CC2D2B: variants seen among roughly 807,000 people sequenced by gnomAD.
CC2D2B encodes coiled-coil and C2 domain containing 2B, also known as protein CC2D2B.
In CC2D2B, 128 loss-of-function variants were observed where a neutral mutation model predicts 161.2. The ratio of observed to expected loss-of-function variants is 0.79; its 90% CI spans 0.69 to 0.92. The LOEUF is 0.92. Ranked by LOEUF, CC2D2B falls within the 40% of genes least tolerant of loss-of-function variation. The pLI is 0.00. For missense variants in CC2D2B, 1,173 were observed against 1,375.1 expected (o/e 0.85, Z 2.32); for synonymous variants, 391 against 449.8 (o/e 0.87, Z 1.65).
At chr10:95,976,295 T>C (rs1007537565) in intron 17 of CC2D2B, among the ~76,000 whole-genome samples, 7 of 152,192 alleles carry the variant, frequency 4.6e-5, no homozygotes, top group African/African-American at 1.7e-4. Context: ...TACCCACTTG[T>C]CACTGAAGGT....
At chr10:95,930,734 GC>G (rs1339455467) in intron 6 of CC2D2B, among the ~76,000 whole-genome samples, 1 of 152,178 alleles carries the variant, frequency 6.6e-6, no homozygotes, top group East Asian at 1.9e-4. Flanking sequence ...CCAGGATGAA[GC>G]CCACTGATCG....
Position 96,031,871 on chromosome 10 carries a change from G to A in CC2D2B, c.4177G>A (p.Asp1393Asn). ...MPYIDVQSII[D>N]AVYQTGIHSA... Reference sequence around the variant, plus strand: ...ATACATTGATGTACAGTCAATTATTGATGCTGTTTATCAAACTGGAATTCA... The same window carrying A: ...ATACATTGATGTACAGTCAATTATTAATGCTGTTTATCAAACTGGAATTCA... Residue 1393 changes from aspartate (D) to asparagine (N), a missense_variant, in exon 35 of 35, where the codon GAT becomes AAT. Physicochemically the swap from Asp to Asn is conservative, Grantham distance 23. This residue lies in a region of CC2D2B where 598 missense variants were observed against 693.2 expected (regional missense o/e 0.86). Transcript: ENST00000646931. 6.2e-7 allele frequency: 1 copy of A among 1,613,756 alleles called. No individual in the cohort carries two copies. The highest frequency in any genetic ancestry group is 1.1e-5 in the South Asian group (1 of 91,064).
chr10:96,024,836 T>C lies in CC2D2B; in HGVS notation c.3889-17T>C. ...ATGGTCTCTAGAATCTATTCTAACTTTGGTTGTCTATTTCAGCCTGAAGAA... is the reference window on the plus strand; with the variant it reads ...ATGGTCTCTAGAATCTATTCTAACTCTGGTTGTCTATTTCAGCCTGAAGAA... On this transcript the variant is annotated splice_polypyrimidine_tract_variant and intron_variant, in intron 32 of 34. Coordinates refer to ENST00000646931, the MANE Select transcript of CC2D2B (RefSeq NM_001349008.3). 1.4e-6 allele frequency: 2 copies of C among 1,414,788 alleles called. No individual in the cohort carries two copies. The highest frequency in any genetic ancestry group is 1.9e-6 in the Non-Finnish European group (2 of 1,025,880). 87.6% of individuals were successfully genotyped at this position (1,414,788 alleles called of 1,614,324 possible).
intron 3 of CC2D2B, among the ~76,000 whole-genome samples, chr10:95,923,166 G>T (rs1417266024): frequency 6.6e-6 from 1 of 152,130 alleles, no homozygotes; most frequent in Non-Finnish European, 1.5e-5. Context: ...TGGTCAGGCT[G>T]GTCTCGAACT....
At chr10:95,927,539 C>T (rs2098541491) in intron 6 of CC2D2B, among the ~76,000 whole-genome samples, 1 of 152,030 alleles carries the variant, frequency 6.6e-6, no homozygotes, top group South Asian at 2.1e-4. Context: ...AAGTTTTTAA[C>T]ACGAATTGTA....
chr10:95,974,221 A>T, intron 17 of CC2D2B, 65 bp downstream of exon 17: 1 of 918,194 alleles, frequency 1.1e-6, no homozygotes, highest in Non-Finnish European at 1.4e-6. Context: ...AAAACATATT[A>T]TGTGTAAAAG....
intron 10 of CC2D2B, among the ~76,000 whole-genome samples, chr10:95,954,580 G>A (rs1469664702): frequency 1.3e-5 from 2 of 152,008 alleles, no homozygotes; most frequent in African/African-American, 4.8e-5. Context: ...ATACCCCACA[G>A]ATTTTATCTT....
At chr10:95,940,031 C>CT (rs1391020661) in intron 9 of CC2D2B, among the ~76,000 whole-genome samples, 1 of 152,138 alleles carries the variant, frequency 6.6e-6, no homozygotes, top group Non-Finnish European at 1.5e-5. Context: ...ATGATGCTGG[C>CT]ATCTGCTTGG....
At chr10:95,975,709 C>G (rs1424444250) in intron 17 of CC2D2B, among the ~76,000 whole-genome samples, 2 of 152,160 alleles carry the variant, frequency 1.3e-5, no homozygotes, top group Non-Finnish European at 2.9e-5. Flanking sequence ...GGGAATGGGA[C>G]AGTCATCACT....
intron 1 of CC2D2B, among the ~76,000 whole-genome samples, chr10:95,908,863 T>C (rs1383120487): frequency 6.6e-6 from 1 of 151,864 alleles, no homozygotes; most frequent in Non-Finnish European, 1.5e-5. Flanking sequence ...TAATTCACCT[T>C]TGAGTAGCAA....
intron 12 of CC2D2B, among the ~76,000 whole-genome samples, chr10:95,963,873 C>G (rs533469725): frequency 6.6e-6 from 1 of 152,082 alleles, no homozygotes; most frequent in African/African-American, 2.4e-5. Context: ...AGGAGATAGC[C>G]CTGTCTTCTC....
chr10:95,980,426 G>T (rs930095191), intron 17 of CC2D2B, among the ~76,000 whole-genome samples: 1 of 152,124 alleles, frequency 6.6e-6, no homozygotes, highest in African/African-American at 2.4e-5. Flanking sequence ...TGTTGTTGTT[G>T]TTGTTGTTGT....
At position 95,982,383 on chromosome 10, in the gene CC2D2B, T is replaced by C. The variant is rs80082625; in HGVS notation, c.2082+270T>C. ...CCACAGCACATCTGACAGTCTTTTA[T>C]GCTAACATCTATTGTGCAGTTACCA... On this transcript the variant is annotated intron_variant, in intron 18 of 34. Transcript: ENST00000646931. Among the ~76,000 whole-genome samples the C allele has an allele frequency of 5.7e-3, 864 of 152,342 alleles. 4 individuals carry two copies. Among genetic ancestry groups the C allele is most frequent in the Middle Eastern group, 0.014 (4 of 294 alleles).
At chr10:95,997,758 G>A (rs2141729150) in intron 24 of CC2D2B, among the ~76,000 whole-genome samples, 1 of 152,304 alleles carries the variant, frequency 6.6e-6, no homozygotes. Flanking sequence ...GGTAGGGTCT[G>A]ATAATTCCAT....
At chr10:96,005,495 G>A (rs891116875) in intron 25 of CC2D2B, among the ~76,000 whole-genome samples, 6 of 152,042 alleles carry the variant, frequency 3.9e-5, no homozygotes, top group Non-Finnish European at 8.8e-5. Flanking sequence ...GCTGAGCCCC[G>A]AGATAGCCAC....
At chr10:95,940,588 G>A (rs181584735) in intron 9 of CC2D2B, among the ~76,000 whole-genome samples, 7 of 152,124 alleles carry the variant, frequency 4.6e-5, no homozygotes, top group Non-Finnish European at 8.8e-5. Flanking sequence ...TAGGTAGGGG[G>A]TCATATTTCA....
At chr10:95,957,454 C>A (rs2076604295) in intron 11 of CC2D2B, among the ~76,000 whole-genome samples, 1 of 151,864 alleles carries the variant, frequency 6.6e-6, no homozygotes, top group African/African-American at 2.4e-5. Flanking sequence ...TAGAAAGTGA[C>A]CACACATACC....
intron 2 of CC2D2B, among the ~76,000 whole-genome samples, chr10:95,914,230 A>G (rs1210374414): frequency 2.6e-5 from 4 of 152,048 alleles, no homozygotes; most frequent in East Asian, 3.8e-4. Flanking sequence ...TCTTTTCCCA[A>G]TGTGCATTTT....
chr10:96,021,722 T>A (rs1450069585), intron 32 of CC2D2B, among the ~76,000 whole-genome samples: 1 of 152,106 alleles, frequency 6.6e-6, no homozygotes, highest in African/African-American at 2.4e-5. Flanking sequence ...TTCATGGGAA[T>A]GATAAATACC....
Sources: allele counts gnomAD v4.1 joint callset (sites outside exome capture counted in the v4.1 genomes callset), GRCh38; gene constraint gnomAD v4.1.1; regional missense constraint gnomAD v4.1.1; transcripts MANE v1.5; gene names NCBI Gene and HGNC (gene_info 2026-07-23, HGNC 2026-07-21).